The following TMEM232 variants were observed in gnomAD, a reference collection of about 807,000 sequenced individuals.
TMEM232 encodes the protein transmembrane protein 232.
A neutral mutation model predicts 78.8 loss-of-function variants in TMEM232; 80 were observed. That is an observed-to-expected ratio of 1.01 (90% CI 0.85 to 1.22). The LOEUF is 1.22. Ranked by LOEUF, TMEM232 falls within the 50% of genes most tolerant of loss-of-function variation. The pLI is 0.00. For missense variants in TMEM232, 881 were observed against 742.2 expected, an observed-to-expected ratio of 1.19 and a Z score of -2.17; for synonymous variants, 297 against 254.3, an observed-to-expected ratio of 1.17 and a Z score of -1.60.
chr5:110,643,969 T>G (rs574145045), intron 2 of TMEM232, among the ~76,000 whole-genome samples: 1 of 152,154 alleles, frequency 6.6e-6, no homozygotes, highest in South Asian at 2.1e-4. Flanking sequence ...CATTTATTAA[T>G]TCATTTACTA....
chr5:110,701,468 T>A (rs528262821), intron 1 of TMEM232, among the ~76,000 whole-genome samples: 1 of 152,004 alleles, frequency 6.6e-6, no homozygotes, highest in African/African-American at 2.4e-5. Context: ...GAAAATCTTA[T>A]AGGAAAGGAT....
At chr5:110,460,096 T>G (rs1761333448) in intron 12 of TMEM232, among the ~76,000 whole-genome samples, 1 of 152,138 alleles carries the variant, frequency 6.6e-6, no homozygotes, top group Non-Finnish European at 1.5e-5. Context: ...ATTAAATAAT[T>G]TGAAGACAAT....
intron 1 of TMEM232, among the ~76,000 whole-genome samples, chr5:110,724,293 A>G (rs1362976197): frequency 6.6e-6 from 1 of 152,068 alleles, no homozygotes; most frequent in African/African-American, 2.4e-5. Context: ...ACTGTAAACC[A>G]CACTGTAGAA....
intron 2 of TMEM232, among the ~76,000 whole-genome samples, chr5:110,408,307 C>T (rs1199415018): frequency 6.6e-6 from 1 of 151,978 alleles, no homozygotes; most frequent in Non-Finnish European, 1.5e-5. Context: ...AAAAACAATA[C>T]AAGGTCAGTG....
chr5:110,652,294 G>GCACACACACACACACACA (rs70999969), intron 2 of TMEM232, among the ~76,000 whole-genome samples: 3,476 of 145,394 alleles, frequency 0.024, 59 homozygotes, highest in East Asian at 0.081. Flanking sequence ...GCACGCGCGC[G>GCACACACACACACACACA]CACACACACA....
intron 11 of TMEM232, among the ~76,000 whole-genome samples, chr5:110,540,100 A>G (rs1772913520): frequency 6.6e-6 from 1 of 152,214 alleles, no homozygotes; most frequent in Admixed American, 6.5e-5. Context: ...GCTCTCACCC[A>G]GCTTCCGCTC....
intron 1 of TMEM232, among the ~76,000 whole-genome samples, chr5:110,693,024 C>T (rs996486837): frequency 6.6e-6 from 1 of 152,296 alleles, no homozygotes; most frequent in African/African-American, 2.4e-5. Context: ...GGTCCCTGAC[C>T]CCCGAGTAGC....
chr5:110,472,413 A>G lies in TMEM232; in HGVS notation c.1704-47497T>C, dbSNP rs370824865. ...TTGAAGTGGACATAAATAAATGGAA[A>G]AAATATCCTGTGTATATGCAGTGGA... On this transcript the variant is annotated intron_variant, in intron 12 of 13. Coordinates refer to ENST00000455884, the MANE Select transcript of TMEM232 (RefSeq NM_001039763.4). Among the ~76,000 whole-genome samples the G allele has an allele frequency of 2.6e-5, 4 of 152,164 alleles. No individual in the cohort carries two copies. In the South Asian group the frequency reaches 8.3e-4, roughly 32 times the overall value.
rs1196898095 is a variant in TMEM232 at position 110,606,193 on chromosome 5, C to T, written c.997G>A (p.Val333Ile). The change falls in exon 9 of 14, where the codon GTT becomes ATT. Residue 333 changes from valine to isoleucine, a missense_variant. By Grantham distance (29) the Val-to-Ile change is conservative (BLOSUM62 3). Transcript: ENST00000455884. ...KALMDVVRDF[V>I]SSIMSVQNQE... ...TTTTGAACAGACATAATGCTTGAAACAAAATCTCTCACTACGTCCATTAAA... is the reference window on the plus strand; with the variant it reads ...TTTTGAACAGACATAATGCTTGAAATAAAATCTCTCACTACGTCCATTAAA... The T allele has an allele frequency of 2.5e-5, 39 of 1,547,698 alleles. No individual in the cohort carries two copies. Among genetic ancestry groups the T allele is most frequent in the Non-Finnish European group, 3.2e-5 (37 of 1,144,448 alleles).
intron 2 of TMEM232, among the ~76,000 whole-genome samples, chr5:110,732,353 C>T (rs1228906987): frequency 6.6e-6 from 1 of 152,132 alleles, no homozygotes; most frequent in African/African-American, 2.4e-5. Flanking sequence ...TTTTCAGCAA[C>T]GTCCTACTCT....
chr5:110,591,938 C>T (rs758508197), intron 10 of TMEM232, among the ~76,000 whole-genome samples: 1 of 152,132 alleles, frequency 6.6e-6, no homozygotes, highest in South Asian at 2.1e-4. Flanking sequence ...ACAGATGATA[C>T]TACCTTTGGA....
rs1286937103 is a variant in TMEM232 at position 110,455,853 on chromosome 5, A to C, written c.1704-30937T>G. ...ATCACTAAAAAAGAAAAACCGTTAT[A>C]GGTCTCTTTCAACAGATGAAAAACA... On this transcript the variant is annotated intron_variant, in intron 12 of 13. Coordinates refer to ENST00000455884, the MANE Select transcript of TMEM232 (RefSeq NM_001039763.4). 2.0e-5 allele frequency among the ~76,000 whole-genome samples: 3 copies of C among 152,366 alleles called. No individual in the cohort carries two copies. In the East Asian group the frequency reaches 5.8e-4, roughly 29 times the overall value.
At chr5:110,627,964 A>G (rs1784629193) in intron 5 of TMEM232, 84 bp from the exon 6 acceptor site, 3 of 946,028 alleles carry the variant, frequency 3.2e-6, no homozygotes, top group Non-Finnish European at 4.7e-6. Flanking sequence ...CCATTATATT[A>G]TTACATTTTC....
intron 12 of TMEM232, among the ~76,000 whole-genome samples, chr5:110,465,710 C>A (rs1171611916): frequency 2.6e-5 from 4 of 151,944 alleles, no homozygotes; most frequent in Non-Finnish European, 5.9e-5. Context: ...TTTATCATTG[C>A]TTTGTTGATA....
chr5:110,454,044 A>C (rs1309342066), intron 12 of TMEM232, among the ~76,000 whole-genome samples: 1 of 152,226 alleles, frequency 6.6e-6, no homozygotes, highest in African/African-American at 2.4e-5. Flanking sequence ...AAAGAAATAG[A>C]CAAATCTGTA....
intron 8 of TMEM232, among the ~76,000 whole-genome samples, chr5:110,614,698 T>C (rs1014894309): frequency 3.3e-5 from 5 of 152,060 alleles, no homozygotes; most frequent in Non-Finnish European, 5.9e-5. Context: ...TATTTTTAGA[T>C]GTTAAAATAC....
intron 12 of TMEM232, among the ~76,000 whole-genome samples, chr5:110,475,686 G>C (rs1354763926): frequency 6.6e-6 from 1 of 151,772 alleles, no homozygotes; most frequent in Non-Finnish European, 1.5e-5. Context: ...TTGTTTGCAA[G>C]GTAGTAGAGA....
intron 12 of TMEM232, among the ~76,000 whole-genome samples, chr5:110,438,028 C>G (rs895860441): frequency 3.3e-5 from 5 of 152,102 alleles, no homozygotes; most frequent in Admixed American, 3.3e-4. Context: ...GCAGTACTAT[C>G]TGAAGCTACT....
At chr5:110,707,599 T>C (rs567893169) in intron 1 of TMEM232, among the ~76,000 whole-genome samples, 1 of 152,310 alleles carries the variant, frequency 6.6e-6, no homozygotes, top group South Asian at 2.1e-4. Context: ...AAGACTGCAA[T>C]TCCCAGGCAA....
Sources: gnomAD v4.1 joint callset for allele counts (sites outside exome capture counted in the v4.1 genomes callset) on GRCh38, gnomAD v4.1.1 for gene constraint, MANE v1.5 for transcripts, NCBI Gene and HGNC (gene_info 2026-07-23, HGNC 2026-07-21) for gene names.